Variants in TRIM55 observed in about 807,000 individuals in gnomAD.
TRIM55 encodes the protein tripartite motif containing 55, also known as tripartite motif-containing protein 55.
TRIM55 carries 50 observed loss-of-function variants against 60.9 expected under a neutral mutation model. The ratio of observed to expected loss-of-function variants is 0.82; its 90% confidence interval spans 0.65 to 1.04. The LOEUF is 1.04. Among genes scored for constraint, TRIM55 ranks in the 50% least tolerant of loss-of-function variants. The pLI is 0.00. For synonymous variants in TRIM55, 237 were observed against 238.1 expected (o/e 1.00, Z 0.04); for missense variants, 681 against 666.9 (o/e 1.02, Z -0.23).
intron 7 of TRIM55, among the ~76,000 whole-genome samples, chr8:66,151,882 A>AAATAAATAAATT (rs1554529478): frequency 1.8e-4 from 26 of 146,326 alleles, no homozygotes; most frequent in African/African-American, 5.2e-4. Flanking sequence ...ATAAATAAAT[A>AAATAAATAAATT]AATAAATAAA....
intron 4 of TRIM55, among the ~76,000 whole-genome samples, chr8:66,139,836 C>A (rs1372316729): frequency 1.3e-5 from 2 of 151,982 alleles, no homozygotes; most frequent in African/African-American, 4.8e-5. Context: ...AATATACGTT[C>A]TTATTTATTG....
intron 4 of TRIM55, 65 bp from the exon 5 acceptor site, chr8:66,149,580 T>C: frequency 8.0e-7 from 1 of 1,257,852 alleles, no homozygotes; most frequent in Non-Finnish European, 1.1e-6. Context: ...CCAGGATAAC[T>C]AGGTGATTTC....
intron 2 of TRIM55, 151 bp downstream of exon 2, chr8:66,128,627 A>C: frequency 3.8e-6 from 3 of 789,246 alleles, no homozygotes; most frequent in Non-Finnish European, 5.8e-6. Flanking sequence ...TCCCAGTGAG[A>C]CTGAGAGTTG....
chr8:66,119,139 C>T, the TRIM55 span, among the ~76,000 whole-genome samples: 57 of 152,342 alleles, frequency 3.7e-4, no homozygotes, highest in Admixed American at 1.8e-3. Flanking sequence ...ATCACTGACT[C>T]TCTGCCTCCA....
intron 2 of TRIM55, among the ~76,000 whole-genome samples, chr8:66,133,402 A>T (rs1418931576): frequency 1.3e-5 from 2 of 152,172 alleles, no homozygotes; most frequent in Non-Finnish European, 2.9e-5. Flanking sequence ...TGCAGCAAAA[A>T]AAAAAAAAGA....
intron 9 of TRIM55, among the ~76,000 whole-genome samples, chr8:66,157,153 T>C (rs7822243): frequency 0.23 from 35,048 of 152,070 alleles, 8,116 homozygotes; most frequent in African/African-American, 0.6. Context: ...TTCAAGGCTG[T>C]GATCCACTGA....
At chr8:66,128,977 G>A (rs1034433410) in intron 2 of TRIM55, among the ~76,000 whole-genome samples, 9 of 152,108 alleles carry the variant, frequency 5.9e-5, no homozygotes, top group African/African-American at 2.2e-4. Context: ...CTCTAACATA[G>A]GTTGTCACTG....
intron 9 of TRIM55, among the ~76,000 whole-genome samples, chr8:66,168,573 G>A (rs926758833): frequency 2.6e-5 from 4 of 152,210 alleles, no homozygotes; most frequent in South Asian, 2.1e-4. Flanking sequence ...AAGTCTAGCC[G>A]TACCCCTCCT....
intron 3 of TRIM55, 105 bp from the exon 4 acceptor site, chr8:66,136,990 A>T (rs749538548): frequency 1.1e-6 from 1 of 888,414 alleles, no homozygotes; most frequent in Non-Finnish European, 1.7e-6. Flanking sequence ...TAGGGGTTGC[A>T]TGGATCCTAA....
rs2128987232 is a variant in TRIM55 at position 66,171,562 on chromosome 8, C to T, written c.1525-2909C>T. The stretch of plus-strand genomic sequence containing the variant: ...ATACATATCAGACCAAACTGGAATG[C>T]AGGACAAGCTCCCAAGCAGATAGAG... On this transcript the variant is annotated intron_variant, in intron 9 of 9. Coordinates refer to ENST00000315962, the MANE Select transcript of TRIM55 (RefSeq NM_184085.2). Among the ~76,000 whole-genome samples the T allele has an allele frequency of 1.3e-5, 2 of 152,276 alleles. 1 individual carries two copies. Among genetic ancestry groups the T allele is most frequent in the Non-Finnish European group, 2.9e-5 (2 of 68,014 alleles).
the TRIM55 span, among the ~76,000 whole-genome samples, chr8:66,113,993 G>A: frequency 1.3e-5 from 2 of 151,066 alleles, no homozygotes; most frequent in African/African-American, 2.4e-5. Flanking sequence ...CGCTCCCTTC[G>A]ATAGCTCAGC....
At chr8:66,166,008 C>T (rs1811310652) in intron 9 of TRIM55, among the ~76,000 whole-genome samples, 1 of 151,536 alleles carries the variant, frequency 6.6e-6, no homozygotes, top group Non-Finnish European at 1.5e-5. Flanking sequence ...GGGAAATTTA[C>T]ATCCAGGTCC....
intron 4 of TRIM55, among the ~76,000 whole-genome samples, chr8:66,141,483 G>C (rs529193588): frequency 1.3e-5 from 2 of 152,194 alleles, no homozygotes; most frequent in East Asian, 3.8e-4. Context: ...GGAACTGGAT[G>C]GGGGGCTGCC....
chr8:66,156,759 T>G (rs1001142291), intron 9 of TRIM55, among the ~76,000 whole-genome samples: 3 of 152,152 alleles, frequency 2.0e-5, no homozygotes, highest in African/African-American at 7.2e-5. Context: ...ATTAGCCATC[T>G]GCTCAGCAAT....
Position 66,147,794 on chromosome 8 carries a change from C to CAAAAAA in TRIM55, c.604-1833_604-1828dup, listed in dbSNP as rs1180935272. On this transcript the variant is annotated intron_variant, in intron 4 of 9. Transcript: ENST00000315962. Reference sequence around the variant, plus strand: ...TGGGTGACAGAGCATGACTCCATCTCAAAAAAAAAAAAAAAAAAAAAAACC... The same window carrying CAAAAAA: ...TGGGTGACAGAGCATGACTCCATCTCAAAAAAAAAAAAAAAAAAAAAAAAAAAAACC... Among the ~76,000 whole-genome samples, 6 of 44,150 alleles carry CAAAAAA rather than the reference C, an allele frequency of 1.4e-4. No homozygotes were observed. In the South Asian group the frequency reaches 2.7e-3, roughly 20 times the overall value. 29.0% of individuals were successfully genotyped at this position (44,150 alleles called of 152,430 possible).
intron 9 of TRIM55, among the ~76,000 whole-genome samples, chr8:66,160,581 T>C (rs893757691): frequency 6.6e-6 from 1 of 152,196 alleles, no homozygotes; most frequent in Non-Finnish European, 1.5e-5. Flanking sequence ...TACTTTTAGT[T>C]CTTTAAGGAA....
intron 2 of TRIM55, among the ~76,000 whole-genome samples, chr8:66,132,518 T>C (rs1324621589): frequency 2.6e-5 from 4 of 152,064 alleles, no homozygotes; most frequent in Admixed American, 6.5e-5. Flanking sequence ...AGATGCCCAC[T>C]CCTCAGGAAA....
intron 2 of TRIM55, among the ~76,000 whole-genome samples, chr8:66,131,013 T>C (rs1402983531): frequency 6.6e-6 from 1 of 152,030 alleles, no homozygotes; most frequent in African/African-American, 2.4e-5. Flanking sequence ...TAGCCACAGT[T>C]GGGAGTGGGA....
intron 4 of TRIM55, among the ~76,000 whole-genome samples, chr8:66,141,058 C>T (rs1809783916): frequency 6.6e-6 from 1 of 152,168 alleles, no homozygotes; most frequent in African/African-American, 2.4e-5. Context: ...TAATTTTGTC[C>T]TAATCATGTA....
Sources: allele counts gnomAD v4.1 joint callset (sites outside exome capture counted in the v4.1 genomes callset), GRCh38; gene constraint gnomAD v4.1.1; transcripts MANE v1.5; gene names NCBI Gene and HGNC (gene_info 2026-07-23, HGNC 2026-07-21).